Variants in BIRC6 observed in about 807,000 individuals in gnomAD.
BIRC6 encodes the protein baculoviral IAP repeat containing 6, also known as dual E2 ubiquitin-conjugating enzyme/E3 ubiquitin-protein ligase BIRC6.
Under a neutral mutation model 503.3 loss-of-function variants are expected in BIRC6, and 98 were observed. The observed-to-expected ratio is 0.19, with a 90% CI of 0.17 to 0.23. BIRC6 has a LOEUF of 0.23. BIRC6 is among the 10% of genes least tolerant of loss of function. The probability of loss-of-function intolerance (pLI) is 1.00; values close to 1 mark genes in which losing one functional copy is unlikely to be tolerated. For synonymous variants in BIRC6, 2,240 were observed against 2,078.7 expected (o/e 1.08, Z -2.11); for missense variants, 5,360 against 5,806.0 (o/e 0.92, Z 2.50).
At chr2:32,420,860 C>G (rs2042859307) in intron 10 of BIRC6, among the ~76,000 whole-genome samples, 1 of 151,198 alleles carries the variant, frequency 6.6e-6, no homozygotes, top group African/African-American at 2.4e-5. Context: ...TGTCACCACT[C>G]TCATTTGTGA....
intron 26 of BIRC6, among the ~76,000 whole-genome samples, chr2:32,465,707 A>G (rs1235683342): frequency 6.6e-6 from 1 of 152,236 alleles, no homozygotes; most frequent in African/African-American, 2.4e-5. Context: ...CTCTTAAAAC[A>G]GTTGGTTTTA....
At position 32,367,870 on chromosome 2, in the gene BIRC6, A is replaced by C. The variant is rs116202140; in HGVS notation, c.326-9718A>C. On this transcript the variant is annotated intron_variant, in intron 1 of 73. Transcript: ENST00000421745. ...ATTATCATCAGGTTTGAGTATGTTAAATCAGGGATGCATCTTAGAGGAGGT... is the reference window on the plus strand; with the variant it reads ...ATTATCATCAGGTTTGAGTATGTTACATCAGGGATGCATCTTAGAGGAGGT... Among the ~76,000 whole-genome samples, 229 of 152,278 alleles carry C rather than the reference A, an allele frequency of 1.5e-3. 1 individual carries two copies. Among genetic ancestry groups the C allele is most frequent in the African/African-American group, 5.3e-3 (221 of 41,562 alleles).
At position 32,442,211 on chromosome 2, in the gene BIRC6, C is replaced by A; in HGVS notation, c.4091C>A (p.Ser1364Ter). ...CTCTGTTGGTTAGCTGGAGTTCATT[C>A]AAATGGACCCGGAAGGTTAATAATT... ...DTLCWLAGVH[S>*]NGPGSSKEGN... Residue 1364 changes from serine (S) to a stop codon, truncating the protein, a stop_gained, in exon 18 of 74, where the codon TCA becomes TAA. Coordinates refer to ENST00000421745, the MANE Select transcript of BIRC6 (RefSeq NM_016252.4). LOFTEE classifies it high-confidence loss of function. 1 of 1,605,914 alleles carries A rather than the reference C, an allele frequency of 6.2e-7. No homozygotes were observed.
chr2:32,406,455 CT>C (rs1273064195), intron 8 of BIRC6, 43 bp from the exon 9 acceptor site: 31 of 1,461,086 alleles, frequency 2.1e-5, no homozygotes, highest in Non-Finnish European at 3.0e-5. Context: ...ATGATGTATA[CT>C]TTTTTTGAAA....
At chr2:32,572,405 T>C (rs2059974342) in intron 65 of BIRC6, among the ~76,000 whole-genome samples, 1 of 152,214 alleles carries the variant, frequency 6.6e-6, no homozygotes, top group South Asian at 2.1e-4. Context: ...GCTTTCCCTA[T>C]TGAAAACAGT....
intron 35 of BIRC6, among the ~76,000 whole-genome samples, chr2:32,478,099 G>C (rs1037601821): frequency 1.3e-5 from 2 of 151,980 alleles, no homozygotes; most frequent in East Asian, 3.9e-4. Context: ...CCAACACTTC[G>C]GGAGGCGGAG....
intron 61 of BIRC6, among the ~76,000 whole-genome samples, chr2:32,536,371 C>A (rs576151215): frequency 0.023 from 3,495 of 152,098 alleles, 74 homozygotes; most frequent in African/African-American, 0.059. Flanking sequence ...TTAGACATGA[C>A]GTCCTTGCCC....
At chr2:32,598,742 A>AT (rs2061842325) in intron 69 of BIRC6, among the ~76,000 whole-genome samples, 1 of 152,016 alleles carries the variant, frequency 6.6e-6, no homozygotes. Context: ...GCTTCTTTTG[A>AT]TTTTTTGGAT....
At chr2:32,445,950 C>T (rs758595582) in intron 21 of BIRC6, among the ~76,000 whole-genome samples, 3 of 151,922 alleles carry the variant, frequency 2.0e-5, no homozygotes, top group Admixed American at 6.6e-5. Flanking sequence ...CTCCATCTCC[C>T]GGGTTCAAGC....
In BIRC6 at chr2:32,542,133, T is replaced by TA. The variant is rs1213604243; in HGVS notation, c.12292-1108_12292-1107insA. Among the ~76,000 whole-genome samples, 20 of 152,044 alleles carry TA rather than the reference T, an allele frequency of 1.3e-4. No homozygotes were observed. The Middle Eastern group carries it at 0.01, about 78-fold the overall frequency. On this transcript the variant is annotated intron_variant, in intron 61 of 73. Transcript: ENST00000421745. ...AATTATGTCTATATATATATATATA[T>TA]TTACACATGTATACATACATGTATT... is the stretch of plus-strand genomic sequence containing the variant.
At chr2:32,485,530 A>G (rs978080904) in intron 39 of BIRC6, 113 bp from the exon 40 acceptor site, 2 of 657,456 alleles carry the variant, frequency 3.0e-6, no homozygotes, top group Non-Finnish European at 2.6e-6. Context: ...GCTGTTCTGT[A>G]AGAACACACT....
At chr2:32,500,885 G>A (rs1040287548) in intron 46 of BIRC6, among the ~76,000 whole-genome samples, 3 of 151,916 alleles carry the variant, frequency 2.0e-5, no homozygotes, top group African/African-American at 7.3e-5. Context: ...GATTACAGGT[G>A]TGAGCCACTG....
At chr2:32,376,599 C>T (rs765421875) in intron 1 of BIRC6, among the ~76,000 whole-genome samples, 32 of 152,164 alleles carry the variant, frequency 2.1e-4, no homozygotes, top group Admixed American at 5.9e-4. Context: ...TTCTAGGCTA[C>T]GTGTTTTGTC....
At chr2:32,506,960 T>A (rs1414795634) in intron 50 of BIRC6, among the ~76,000 whole-genome samples, 1 of 152,202 alleles carries the variant, frequency 6.6e-6, no homozygotes, top group Non-Finnish European at 1.5e-5. Flanking sequence ...ATTCCTTCTT[T>A]TTTTACCACT....
chr2:32,379,324 A>T (rs1399811830), intron 2 of BIRC6: 1 of 152,220 alleles, frequency 6.6e-6, no homozygotes, highest in Non-Finnish European at 1.5e-5. Context: ...ACCAGCTGAT[A>T]TCAGGATATA....
chr2:32,468,843 A>G (rs1246423617), intron 29 of BIRC6, 60 bp downstream of exon 29: 4 of 1,252,180 alleles, frequency 3.2e-6, no homozygotes, highest in African/African-American at 3.0e-5. Flanking sequence ...ATTTCGCTGC[A>G]TGTTTTAGGA....
chr2:32,511,201 CTTTTTTT>C lies in BIRC6; in HGVS notation c.10346+588_10346+594del. Among the ~76,000 whole-genome samples the C allele has an allele frequency of 1.8e-3, 89 of 48,600 alleles. 1 individual carries two copies. Among genetic ancestry groups the C allele is most frequent in the Admixed American group, 8.4e-4 (3 of 3,592 alleles). The allele number at this position is 48,600 out of a possible 152,430, so 31.9% of individuals were successfully genotyped here. A position where few individuals can be genotyped will look rare whatever the true frequency, so the allele number is the denominator to read the frequency against. On this transcript the variant is annotated intron_variant, in intron 53 of 73. Transcript: ENST00000421745. ...TTTAGTGATTTTTTTCTTTTCTTTT[CTTTTTTT>C]TTTTTTTTTTTTTTTTTTTTACATT...
At position 32,503,202 on chromosome 2, in the gene BIRC6, C is replaced by T. The variant is rs1177937889; in HGVS notation, c.9465C>T (p.Asp3155=). ...CAAGAATACTAGCTTCTGAGCCTGA[C>T]AATGCTGAAGGGATTCATAACTTTG... is the stretch of plus-strand genomic sequence containing the variant. The part of the protein sequence containing the change: ...LKTRILASEP[D]NAEGIHNFAP... Residue 3155 remains aspartate (D), a synonymous_variant, in exon 49 of 74, where the codon GAC becomes GAT. Coordinates refer to ENST00000421745, the MANE Select transcript of BIRC6 (RefSeq NM_016252.4). The T allele has an allele frequency of 3.7e-6, 6 of 1,612,210 alleles. No individual in the cohort carries two copies. Among genetic ancestry groups the T allele is most frequent in the Non-Finnish European group, 5.1e-6 (6 of 1,179,344 alleles).
intron 61 of BIRC6, among the ~76,000 whole-genome samples, chr2:32,539,380 C>G (rs2057482798): frequency 6.6e-6 from 1 of 152,142 alleles, no homozygotes; most frequent in East Asian, 1.9e-4. Context: ...AAGCATTTAC[C>G]AACTACAGGA....
Sources: gnomAD v4.1 joint callset for allele counts (sites outside exome capture counted in the v4.1 genomes callset) on GRCh38, gnomAD v4.1.1 for gene constraint, MANE v1.5 for transcripts, NCBI Gene and HGNC (gene_info 2026-07-23, HGNC 2026-07-21) for gene names.